Variants in DEAF1 observed in about 807,000 individuals in gnomAD.
The protein encoded by DEAF1 is deformed epidermal autoregulatory factor 1 homolog.
DEAF1 carries 53 observed loss-of-function variants against 58.9 expected under a neutral mutation model. The ratio of observed to expected loss-of-function variants is 0.90; its 90% CI spans 0.72 to 1.13. The LOEUF (loss-of-function observed/expected upper bound fraction) is 1.13, where lower values mean the gene tolerates loss of function less well. DEAF1 is among the 50% of genes most tolerant of loss of function. The pLI, the probability that DEAF1 is intolerant of heterozygous loss-of-function variation, is 0.00. For synonymous variants in DEAF1, 385 were observed against 340.4 expected (o/e 1.13, Z -1.44); for missense variants, 685 against 791.4 (o/e 0.87, Z 1.61).
intron 1 of DEAF1, chr11:706,005 G>A (rs1018186354): frequency 6.6e-6 from 1 of 152,328 alleles, no homozygotes; most frequent in Non-Finnish European, 1.5e-5. Context: ...AGGACGCAGA[G>A]GGCTGGGGCT....
At chr11:687,631 G>A (rs1487049713) in intron 4 of DEAF1, among the ~76,000 whole-genome samples, 1 of 152,144 alleles carries the variant, frequency 6.6e-6, no homozygotes. Flanking sequence ...CTGGGACTAT[G>A]GGACTACAGG....
chr11:674,105 G>A, intron 10 of DEAF1: 1 of 283,844 alleles, frequency 3.5e-6, no homozygotes. Flanking sequence ...CTTTGTGACA[G>A]CAGATGGACG....
intron 2 of DEAF1, among the ~76,000 whole-genome samples, chr11:690,408 G>T (rs986324569): frequency 6.7e-6 from 1 of 148,438 alleles, no homozygotes; most frequent in South Asian, 2.2e-4. Flanking sequence ...TGTTTTTACT[G>T]AAGTCCTTCA....
At chr11:700,696 G>A (rs754819477) in intron 1 of DEAF1, 11 of 1,613,880 alleles carry the variant, frequency 6.8e-6, no homozygotes, top group Admixed American at 5.0e-5. Context: ...GAAGCAGTTC[G>A]GTTATACCTG....
intron 1 of DEAF1, among the ~76,000 whole-genome samples, chr11:694,144 C>T (rs1860973044): frequency 6.6e-6 from 1 of 151,838 alleles, no homozygotes; most frequent in South Asian, 2.1e-4. Flanking sequence ...TGGGGGGAGC[C>T]AGGATGGACG....
intron 10 of DEAF1, among the ~76,000 whole-genome samples, chr11:672,537 G>C (rs1240857056): frequency 2.6e-5 from 4 of 152,140 alleles, no homozygotes; most frequent in Non-Finnish European, 5.9e-5. Context: ...CTGAATGACA[G>C]AAAAATTTAA....
intron 5 of DEAF1, among the ~76,000 whole-genome samples, chr11:686,160 C>T (rs1235920323): frequency 5.4e-5 from 8 of 149,320 alleles, no homozygotes; most frequent in East Asian, 2.0e-4. Flanking sequence ...GGTGTGGTGG[C>T]GGGCACCTGT....
intron 11 of DEAF1, among the ~76,000 whole-genome samples, chr11:645,058 G>A (rs1314743868): frequency 4.0e-5 from 6 of 151,312 alleles, no homozygotes; most frequent in Non-Finnish European, 8.8e-5. Context: ...AGCTACTCGG[G>A]AAGCTGAGGC....
intron 10 of DEAF1, 56 bp downstream of exon 10, chr11:674,480 G>A: frequency 1.2e-6 from 2 of 1,612,082 alleles, no homozygotes; most frequent in African/African-American, 2.7e-5. Context: ...ACAGGCACCA[G>A]GGTGGCCTGG....
chr11:670,010 C>A (rs1859740651), intron 10 of DEAF1, among the ~76,000 whole-genome samples: 1 of 149,984 alleles, frequency 6.7e-6, no homozygotes, highest in East Asian at 1.9e-4. Flanking sequence ...CGCAAGGCTG[C>A]AGTGAACCAA....
chr11:704,060 AC>A, intron 1 of DEAF1: 1 of 1,145,318 alleles, frequency 8.7e-7, no homozygotes, highest in Non-Finnish European at 1.1e-6. Flanking sequence ...TGGAATAATT[AC>A]ACCCAAATAT....
intron 10 of DEAF1, among the ~76,000 whole-genome samples, chr11:660,491 C>T (rs577716608): frequency 3.9e-4 from 59 of 152,362 alleles, no homozygotes; most frequent in African/African-American, 1.1e-3. Context: ...GGCACCTGGC[C>T]GCCCCTCCCA....
intron 11 of DEAF1, among the ~76,000 whole-genome samples, chr11:649,451 G>A (rs1589969762): frequency 6.6e-6 from 1 of 151,394 alleles, no homozygotes; most frequent in East Asian, 2.0e-4. Context: ...TGGGTGTGGT[G>A]GCTCACACCT....
chr11:644,792 C>T lies in DEAF1; in HGVS notation c.1594-138G>A, dbSNP rs796891319. 9 of 713,540 alleles carry T rather than the reference C, an allele frequency of 1.3e-5. No individual in the cohort carries two copies. Among genetic ancestry groups the T allele is most frequent in the African/African-American group, 5.2e-5 (3 of 57,462 alleles). 44.2% of individuals were successfully genotyped at this position (713,540 alleles called of 1,614,324 possible). A position where few individuals can be genotyped will look rare whatever the true frequency, so the allele number is the denominator to read the frequency against. ...TGCTGAGAATGCCCTCCCCAGCCCC[C>T]GTGCGCCCAAACTCTGGTGGGCTCT... On this transcript the variant is annotated intron_variant, in intron 11 of 11. Transcript: ENST00000382409. The surrounding 1 kb of genome is among the most constrained non-coding windows in gnomAD (Gnocchi z 4.3).
At chr11:674,509 G>A (rs202195114) in intron 10 of DEAF1, 27 bp downstream of exon 10, 103 of 1,613,462 alleles carry the variant, frequency 6.4e-5, no homozygotes, top group South Asian at 7.7e-5. Flanking sequence ...GGCACAGGTC[G>A]TGTCTTCCCA....
intron 11 of DEAF1, among the ~76,000 whole-genome samples, chr11:649,470 A>G (rs1858662079): frequency 6.6e-6 from 1 of 151,720 alleles, no homozygotes; most frequent in South Asian, 2.1e-4. Flanking sequence ...CTATAATCCC[A>G]GCAGTTTGGG....
At chr11:689,995 G>T (rs572332801) in intron 2 of DEAF1, among the ~76,000 whole-genome samples, 59 of 151,710 alleles carry the variant, frequency 3.9e-4, no homozygotes, top group Non-Finnish European at 8.0e-4. Context: ...CGTGGCCATG[G>T]GTCAGCTTGT....
intron 1 of DEAF1, among the ~76,000 whole-genome samples, chr11:691,828 C>G (rs1317271879): frequency 6.6e-6 from 1 of 152,218 alleles, no homozygotes; most frequent in Non-Finnish European, 1.5e-5. Flanking sequence ...CCCAGTAAAG[C>G]CTTTTACGTG....
chr11:695,462 G>C (rs944686332), upstream of DEAF1: 18 of 566,970 alleles, frequency 3.2e-5, no homozygotes, highest in African/African-American at 9.6e-5. Context: ...AGGGCTGGAC[G>C]GCTCTAGGCA....
Sources: gnomAD v4.1 joint callset for allele counts (sites outside exome capture counted in the v4.1 genomes callset) on GRCh38, gnomAD v4.1.1 for gene constraint, Gnocchi (gnomAD v3.1) non-coding constraint, MANE v1.5 for transcripts, NCBI Gene and HGNC (gene_info 2026-07-23, HGNC 2026-07-21) for gene names.